PCDHA6: variants seen among roughly 807,000 people sequenced by gnomAD.
The protein encoded by PCDHA6 is protocadherin alpha-6.
A neutral mutation model predicts 60.3 loss-of-function variants in PCDHA6; 55 were observed. That is an observed-to-expected ratio of 0.91 (90% confidence interval 0.73 to 1.14). The LOEUF (loss-of-function observed/expected upper bound fraction) is 1.14. PCDHA6 is among the 50% of genes most tolerant of loss of function. PCDHA6 has a pLI of 0.00. For synonymous variants in PCDHA6, 652 were observed against 557.9 expected, an observed-to-expected ratio of 1.17 and a Z score of -2.38; for missense variants, 1,327 against 1,256.5, an observed-to-expected ratio of 1.06 and a Z score of -0.85.
rs782651384 is a variant in PCDHA6 at position 140,835,888 on chromosome 5, G to A, written c.2394+5403G>A. On this transcript the variant is annotated intron_variant, in intron 1 of 3. Coordinates refer to ENST00000529310, the MANE Select transcript of PCDHA6 (RefSeq NM_018909.4). ...CTGGTGGAGCTGCGGGTGGGCGAGC[G>A]CGCGCTGTCGAGCTACGTGTCAGTG... is the stretch of plus-strand genomic sequence containing the variant. 1.2e-6 allele frequency: 2 copies of A among 1,611,826 alleles called. 1 individual carries two copies. Among genetic ancestry groups the A allele is most frequent in the Non-Finnish European group, 1.7e-6 (2 of 1,179,634 alleles).
chr5:140,829,969 G>T lies in PCDHA6; in HGVS notation c.1878G>T (p.Leu626=). Residue 626 remains leucine (L), a synonymous_variant, in exon 1 of 4, where the codon CTG becomes CTT. Coordinates refer to ENST00000529310, the MANE Select transcript of PCDHA6 (RefSeq NM_018909.4). Reference sequence around the variant, plus strand: ...CTCGCTTCCCGTTTCGCGTGGGGCTGTACACGGGCGAGATCAGCACCACTC... The same window carrying T: ...CTCGCTTCCCGTTTCGCGTGGGGCTTTACACGGGCGAGATCAGCACCACTC... ...SSARFPFRVG[L]YTGEISTTRV... 1 of 1,614,010 alleles carries T rather than the reference G, an allele frequency of 6.2e-7. No individual in the cohort carries two copies. The highest frequency in any genetic ancestry group is 1.1e-5 in the South Asian group (1 of 91,080).
chr5:140,856,146 C>CA, intron 1 of PCDHA6: 2 of 1,598,308 alleles, frequency 1.3e-6, no homozygotes, highest in Non-Finnish European at 1.7e-6. Context: ...CTCCACTACT[C>CA]AGTCTACGAG....
intron 1 of PCDHA6, chr5:140,852,609 A>G (rs1581283750): frequency 2.1e-6 from 2 of 936,558 alleles, no homozygotes; most frequent in East Asian, 1.1e-4. Context: ...TTTTCTTTCA[A>G]AACTTGAGTG....
In PCDHA6 at chr5:141,010,341, T is replaced by C. The variant is rs199826290; in HGVS notation, c.*404T>C. ...GAGCAGCTTGGGAGTTTGTGGCCAC[T>C]GGGTATGTGTGGCTACCGCGGGTAT... is the stretch of plus-strand genomic sequence containing the variant. On this transcript the variant is annotated 3_prime_UTR_variant, in exon 4 of 4. Coordinates refer to ENST00000529310, the MANE Select transcript of PCDHA6 (RefSeq NM_018909.4). 1 of 1,503,238 alleles carries C rather than the reference T, an allele frequency of 6.7e-7. No homozygotes were observed. The highest frequency in any genetic ancestry group is 8.9e-7 in the Non-Finnish European group (1 of 1,119,606). The allele number at this position is 1,503,238 out of a possible 1,614,324, so 93.1% of individuals were successfully genotyped here. A position where few individuals can be genotyped will look rare whatever the true frequency, so the allele number is the denominator to read the frequency against.
chr5:140,840,028 C>T (rs1159245345), intron 1 of PCDHA6, among the ~76,000 whole-genome samples: 2 of 151,974 alleles, frequency 1.3e-5, no homozygotes, highest in Non-Finnish European at 2.9e-5. Context: ...GGTCACGTAG[C>T]GTATCTCCCA....
chr5:141,000,192 T>C lies in PCDHA6; in HGVS notation c.2543-9435T>C, dbSNP rs112948047. 6.4e-3 allele frequency among the ~76,000 whole-genome samples: 968 copies of C among 151,888 alleles called. 13 individuals carry two copies. Among genetic ancestry groups the C allele is most frequent in the African/African-American group, 0.023 (941 of 41,384 alleles). ...TTGAGCCAAGGAGTCAATGTGAGAA[T>C]AGTTTTTCACCTTCATTATCAAATG... On this transcript the variant is annotated intron_variant, in intron 3 of 3. Coordinates refer to ENST00000529310, the MANE Select transcript of PCDHA6 (RefSeq NM_018909.4).
At chr5:140,859,044 G>A (rs1228604447) in intron 1 of PCDHA6, 2 of 150,376 alleles carry the variant, frequency 1.3e-5, no homozygotes, top group Non-Finnish European at 3.0e-5. Flanking sequence ...CTTTAAAAAC[G>A]TTTTCCATTT....
At chr5:140,932,349 C>A (rs2088248613) in intron 1 of PCDHA6, among the ~76,000 whole-genome samples, 1 of 151,900 alleles carries the variant, frequency 6.6e-6, no homozygotes, top group Admixed American at 6.6e-5. Flanking sequence ...ACTTACCATA[C>A]AACTGGCCTT....
At position 140,855,941 on chromosome 5, in the gene PCDHA6, C is replaced by G; in HGVS notation, c.2394+25456C>G. Reference sequence around the variant, plus strand: ...AGGAAGTAGCGTCATTCTGAGATCTCAGCCATTTCGATAAAAAATAGATAT... The same window carrying G: ...AGGAAGTAGCGTCATTCTGAGATCTGAGCCATTTCGATAAAAAATAGATAT... On this transcript the variant is annotated intron_variant, in intron 1 of 3. Transcript: ENST00000529310. The G allele has an allele frequency of 3.0e-6, 4 of 1,328,222 alleles. 1 individual carries two copies. The highest frequency in any genetic ancestry group is 4.1e-6 in the Non-Finnish European group (4 of 966,976). The allele number at this position is 1,328,222 out of a possible 1,614,324, so 82.3% of individuals were successfully genotyped here.
chr5:140,836,027 C>A lies in PCDHA6; in HGVS notation c.2394+5542C>A. On this transcript the variant is annotated intron_variant, in intron 1 of 3. Coordinates refer to ENST00000529310, the MANE Select transcript of PCDHA6 (RefSeq NM_018909.4). ...CGGGCGTGCCGCCTCTGGGCAGCAA[C>A]GTGACGCTGCAGGTGTTCGTGCTGG... The A allele has an allele frequency of 1.9e-6, 3 of 1,613,456 alleles. No individual in the cohort carries two copies. The highest frequency in any genetic ancestry group is 1.3e-5 in the African/African-American group (1 of 75,020).
intron 1 of PCDHA6, chr5:140,926,866 G>C: frequency 6.6e-7 from 1 of 1,524,204 alleles, no homozygotes; most frequent in Non-Finnish European, 8.8e-7. Flanking sequence ...GTAGCGTGTT[G>C]GTGGAACGTG....
chr5:140,915,259 T>C (rs1344301014), intron 1 of PCDHA6, among the ~76,000 whole-genome samples: 1 of 152,182 alleles, frequency 6.6e-6, no homozygotes, highest in East Asian at 1.9e-4. Context: ...GTTGTTATTA[T>C]TTTTGACCAG....
At chr5:140,873,334 C>A (rs1182965928) in intron 1 of PCDHA6, among the ~76,000 whole-genome samples, 1 of 152,156 alleles carries the variant, frequency 6.6e-6, no homozygotes, top group African/African-American at 2.4e-5. Context: ...GCATACATTA[C>A]TCATCTCCAG....
At chr5:140,984,945 C>CA (rs1307962082) in intron 3 of PCDHA6, among the ~76,000 whole-genome samples, 2 of 149,212 alleles carry the variant, frequency 1.3e-5, no homozygotes, top group African/African-American at 4.9e-5. Flanking sequence ...AATGTCTAAT[C>CA]TTTTTTTTTT....
chr5:140,929,112 C>A, intron 1 of PCDHA6: 1 of 1,614,130 alleles, frequency 6.2e-7, no homozygotes, highest in South Asian at 1.1e-5. Flanking sequence ...TGACATCAGC[C>A]ACCATAGATG....
chr5:140,871,290 C>A (rs1554165387), intron 1 of PCDHA6: 2 of 1,613,900 alleles, frequency 1.2e-6, no homozygotes, highest in Non-Finnish European at 1.7e-6. Context: ...CCACTGAGGG[C>A]GCGTGCGCGC....
chr5:140,999,654 C>A (rs180994815), intron 3 of PCDHA6, among the ~76,000 whole-genome samples: 1 of 152,122 alleles, frequency 6.6e-6, no homozygotes, highest in South Asian at 2.1e-4. Flanking sequence ...AGCCTGAGCC[C>A]TGCTGGGTTG....
chr5:140,909,214 T>C (rs1394994856), intron 1 of PCDHA6, among the ~76,000 whole-genome samples: 2 of 152,232 alleles, frequency 1.3e-5, no homozygotes, highest in African/African-American at 2.4e-5. Context: ...AGAGTTGATA[T>C]ACCCCTGAGG....
intron 1 of PCDHA6, chr5:140,842,120 T>A: frequency 6.2e-7 from 1 of 1,613,882 alleles, no homozygotes; most frequent in Non-Finnish European, 8.5e-7. Context: ...ACTGAATGCT[T>A]CTGATCCGGA....
Sources: gnomAD v4.1 joint callset for allele counts (sites outside exome capture counted in the v4.1 genomes callset) on GRCh38, gnomAD v4.1.1 for gene constraint, MANE v1.5 for transcripts, NCBI Gene and HGNC (gene_info 2026-07-23, HGNC 2026-07-21) for gene names.